Variants in TAOK3 observed in about 807,000 individuals in gnomAD.
TAOK3 encodes serine/threonine-protein kinase TAO3.
In TAOK3, 40 loss-of-function variants were observed where a neutral mutation model predicts 120.4. That is an observed-to-expected ratio of 0.33 (90% CI 0.26 to 0.43). The LOEUF (loss-of-function observed/expected upper bound fraction) is 0.43, where lower values mean the gene tolerates loss of function less well. Ranked by LOEUF, TAOK3 falls within the 20% of genes least tolerant of loss-of-function variation. TAOK3 has a pLI of 1.00. For missense variants in TAOK3, 821 were observed against 1,112.1 expected (o/e 0.74, Z 3.72); for synonymous variants, 355 against 387.5 (o/e 0.92, Z 0.99).
intron 9 of TAOK3, among the ~76,000 whole-genome samples, chr12:118,218,435 A>G (rs1165136878): frequency 6.6e-6 from 1 of 152,092 alleles, no homozygotes; most frequent in Non-Finnish European, 1.5e-5. Flanking sequence ...CCTATATAAA[A>G]TGGCATAGTA....
intron 1 of TAOK3, among the ~76,000 whole-genome samples, chr12:118,360,600 C>A (rs540937736): frequency 1.3e-5 from 2 of 148,732 alleles, no homozygotes; most frequent in Admixed American, 1.3e-4. Flanking sequence ...TATGTGATTT[C>A]ATTCAACAAA....
rs569386632 is a variant in TAOK3, at chr12:118,274,751, C to T, written c.-193-7992G>A. ...TCCAGAGATTCTCGTGCCTCAATGT[C>T]CCAAGTAGCTGGGACTACAGGCACG... On this transcript the variant is annotated intron_variant, in intron 1 of 20. Coordinates refer to ENST00000392533, the MANE Select transcript of TAOK3 (RefSeq NM_016281.4). 2.6e-5 allele frequency among the ~76,000 whole-genome samples: 4 copies of T among 152,200 alleles called. No homozygotes were observed. In the East Asian group the frequency reaches 5.8e-4, roughly 22 times the overall value.
intron 1 of TAOK3, among the ~76,000 whole-genome samples, chr12:118,369,779 C>A (rs955537170): frequency 3.3e-5 from 5 of 152,160 alleles, no homozygotes; most frequent in Non-Finnish European, 7.3e-5. Context: ...CTCAATACAT[C>A]TTAAATATAG....
intron 17 of TAOK3, among the ~76,000 whole-genome samples, chr12:118,162,651 T>G (rs2035296054): frequency 7.2e-5 from 11 of 152,174 alleles, no homozygotes; most frequent in African/African-American, 2.7e-4. Context: ...ATCTCAGAGT[T>G]CAAGGCATGT....
intron 1 of TAOK3, among the ~76,000 whole-genome samples, chr12:118,369,008 A>G (rs2045825312): frequency 6.7e-6 from 1 of 148,246 alleles, no homozygotes; most frequent in Admixed American, 6.7e-5. Flanking sequence ...AAAATAGAAA[A>G]AAAAAAAAAA....
At chr12:118,270,878 C>T (rs563130187) in intron 1 of TAOK3, among the ~76,000 whole-genome samples, 1 of 152,028 alleles carries the variant, frequency 6.6e-6, no homozygotes, top group East Asian at 1.9e-4. Context: ...GGGGTTTCAC[C>T]ATGTTAGCCA....
intron 1 of TAOK3, among the ~76,000 whole-genome samples, chr12:118,311,907 T>G (rs2043277915): frequency 6.6e-6 from 1 of 151,966 alleles, no homozygotes; most frequent in Non-Finnish European, 1.5e-5. Context: ...TTGGCAGAAG[T>G]CAAGAGAGAT....
intron 1 of TAOK3, among the ~76,000 whole-genome samples, chr12:118,267,941 C>G (rs1042959810): frequency 6.6e-6 from 1 of 151,522 alleles, no homozygotes; most frequent in African/African-American, 2.4e-5. Flanking sequence ...AGGCAAAACT[C>G]CATTAACAAT....
intron 1 of TAOK3, among the ~76,000 whole-genome samples, chr12:118,344,080 G>A (rs1314315214): frequency 6.6e-6 from 1 of 151,264 alleles, no homozygotes; most frequent in Non-Finnish European, 1.5e-5. Context: ...ACAAAACCCT[G>A]TGTGGATTTT....
At chr12:118,242,028 A>C (rs1050795567) in intron 5 of TAOK3, among the ~76,000 whole-genome samples, 1 of 151,708 alleles carries the variant, frequency 6.6e-6, no homozygotes, top group Non-Finnish European at 1.5e-5. Flanking sequence ...TGGAGGTTGC[A>C]GTCAGCCGAG....
chr12:118,255,323 G>A, intron 3 of TAOK3, 125 bp downstream of exon 3: 2 of 945,666 alleles, frequency 2.1e-6, no homozygotes, highest in Non-Finnish European at 3.1e-6. Flanking sequence ...ATGTTGCCTA[G>A]GCTGGTCTTT....
At chr12:118,258,269 C>T (rs1003471868) in intron 2 of TAOK3, among the ~76,000 whole-genome samples, 1 of 152,084 alleles carries the variant, frequency 6.6e-6, no homozygotes, top group African/African-American at 2.4e-5. Flanking sequence ...AAAAGGATCC[C>T]TCCGCCAACA....
rs77139493 is a variant in TAOK3 at position 118,181,610 on chromosome 12, G to A, written c.1330-3C>T. ...TGCTCATGGATCTGTCGTGTAACCT[G>A]AATTGGGTTAGGAAACAGAACTCAG... On this transcript the variant is annotated splice_region_variant and splice_polypyrimidine_tract_variant and intron_variant, in intron 14 of 20. Coordinates refer to ENST00000392533, the MANE Select transcript of TAOK3 (RefSeq NM_016281.4). The A allele has an allele frequency of 2.7e-3, 4,436 of 1,613,398 alleles. 10 individuals are homozygous for A. Among genetic ancestry groups the A allele is most frequent in the Admixed American group, 7.1e-3 (425 of 60,028 alleles).
chr12:118,301,928 A>G (rs1446902420), intron 1 of TAOK3, among the ~76,000 whole-genome samples: 1 of 151,930 alleles, frequency 6.6e-6, no homozygotes, highest in Non-Finnish European at 1.5e-5. Flanking sequence ...GGGTTATATT[A>G]TGACCATATT....
At chr12:118,222,127 C>G (rs2039265630) in intron 9 of TAOK3, among the ~76,000 whole-genome samples, 1 of 152,132 alleles carries the variant, frequency 6.6e-6, no homozygotes, top group Admixed American at 6.6e-5. Context: ...TACTGCTCTG[C>G]TTGGTAAAGA....
intron 1 of TAOK3, among the ~76,000 whole-genome samples, chr12:118,301,611 C>T (rs112769254): frequency 8.5e-5 from 13 of 152,056 alleles, no homozygotes; most frequent in Non-Finnish European, 1.6e-4. Flanking sequence ...TTTGGGAGGC[C>T]GAGGCAGGCG....
At chr12:118,246,807 G>C (rs1593288278) in intron 3 of TAOK3, 1 of 1,355,062 alleles carries the variant, frequency 7.4e-7, no homozygotes, top group East Asian at 2.3e-5. Context: ...GGCCACCTTT[G>C]ATGCCATTTC....
At chr12:118,341,539 A>C (rs771042418) in intron 1 of TAOK3, among the ~76,000 whole-genome samples, 11 of 152,212 alleles carry the variant, frequency 7.2e-5, no homozygotes, top group Non-Finnish European at 1.3e-4. Flanking sequence ...AAACCAGATT[A>C]AGTTGCCCTA....
chr12:118,238,108 T>C lies in TAOK3; in HGVS notation c.402A>G (p.Gly134=). 1 of 1,612,010 alleles carries C rather than the reference T, an allele frequency of 6.2e-7. No individual in the cohort carries two copies. The highest frequency in any genetic ancestry group is 8.5e-7 in the Non-Finnish European group (1 of 1,178,586). The change falls in exon 7 of 21, where the codon GGA becomes GGG. Residue 134 remains glycine (G), a synonymous_variant. Coordinates refer to ENST00000392533, the MANE Select transcript of TAOK3 (RefSeq NM_016281.4). The part of the protein sequence containing the change: ...IAAITHGALH[G]LAYLHSHALI... ...ATGCATGAGAATGTAGGTAGGCTAGTCCATGCAAGGCTCCATGAGTAATGG... is the reference window on the plus strand; with the variant it reads ...ATGCATGAGAATGTAGGTAGGCTAGCCCATGCAAGGCTCCATGAGTAATGG...
Sources: gnomAD v4.1 joint callset for allele counts (sites outside exome capture counted in the v4.1 genomes callset) on GRCh38, gnomAD v4.1.1 for gene constraint, MANE v1.5 for transcripts, NCBI Gene and HGNC (gene_info 2026-07-23, HGNC 2026-07-21) for gene names.